The following MAGI1 variants were observed in gnomAD, a reference collection of about 807,000 sequenced individuals.
MAGI1 encodes the protein membrane associated guanylate kinase, WW and PDZ domain containing 1, also known as membrane-associated guanylate kinase, WW and PDZ domain-containing protein 1.
In MAGI1, 58 loss-of-function variants were observed where a neutral mutation model predicts 139.9. That is an observed-to-expected ratio of 0.41 (90% CI 0.34 to 0.52). MAGI1 has a LOEUF of 0.52. Ranked by LOEUF, MAGI1 falls within the 20% of genes least tolerant of loss-of-function variation. MAGI1 has a pLI of 0.12. For synonymous variants in MAGI1, 812 were observed against 737.9 expected (o/e 1.10, Z -1.63); for missense variants, 1,874 against 1,901.6 (o/e 0.99, Z 0.27).
rs114712916 is a variant in MAGI1 at position 65,961,133 on chromosome 3, G to A, written c.313+76863C>T. 7.2e-3 allele frequency among the ~76,000 whole-genome samples: 1,097 copies of A among 152,348 alleles called. 18 individuals carry two copies. The highest frequency in any genetic ancestry group is 0.025 in the African/African-American group (1,030 of 41,564). On this transcript the variant is annotated intron_variant, in intron 1 of 22. Coordinates refer to ENST00000402939, the MANE Select transcript of MAGI1 (RefSeq NM_001033057.2). ...CATCTAGGGATAAGAGGGGAAGGCA[G>A]AAGGGGGCATTCCTGTGTCCATTTG...
chr3:65,727,302 C>T (rs1373843891), intron 1 of MAGI1, among the ~76,000 whole-genome samples: 1 of 152,162 alleles, frequency 6.6e-6, no homozygotes, highest in Non-Finnish European at 1.5e-5. Context: ...AAAACCACTG[C>T]TTTACACATT....
At chr3:65,451,314 C>A (rs1949018788) in intron 6 of MAGI1, among the ~76,000 whole-genome samples, 1 of 152,016 alleles carries the variant, frequency 6.6e-6, no homozygotes, top group African/African-American at 2.4e-5. Context: ...ACATTGAAGA[C>A]CCTATGGTAA....
chr3:65,533,724 G>A (rs2078822511), intron 2 of MAGI1, among the ~76,000 whole-genome samples: 1 of 152,012 alleles, frequency 6.6e-6, no homozygotes, highest in East Asian at 1.9e-4. Flanking sequence ...CCCCAATGAG[G>A]CAGCTTCTAA....
At chr3:65,397,932 C>A (rs1944522692) in intron 13 of MAGI1, among the ~76,000 whole-genome samples, 1 of 152,114 alleles carries the variant, frequency 6.6e-6, no homozygotes, top group Non-Finnish European at 1.5e-5. Flanking sequence ...CCAATATTGG[C>A]ACTGGGTCTG....
chr3:65,511,302 C>A (rs1184054033), intron 2 of MAGI1, among the ~76,000 whole-genome samples: 1 of 149,066 alleles, frequency 6.7e-6, no homozygotes, highest in South Asian at 2.1e-4. Flanking sequence ...TCACACATAA[C>A]AATATTAACT....
intron 1 of MAGI1, among the ~76,000 whole-genome samples, chr3:65,756,129 C>T (rs115634011): frequency 6.6e-6 from 1 of 152,278 alleles, no homozygotes; most frequent in African/African-American, 2.4e-5. Context: ...TCTTTTCCAA[C>T]TTAGTTCGCT....
At chr3:65,929,723 C>A (rs1293343803) in intron 1 of MAGI1, among the ~76,000 whole-genome samples, 1 of 151,870 alleles carries the variant, frequency 6.6e-6, no homozygotes, top group East Asian at 1.9e-4. Flanking sequence ...CCTTTCGGGG[C>A]ACAAAAGCCA....
At chr3:65,516,506 TA>T (rs755624379) in intron 2 of MAGI1, among the ~76,000 whole-genome samples, 2 of 151,934 alleles carry the variant, frequency 1.3e-5, no homozygotes, top group Non-Finnish European at 2.9e-5. Flanking sequence ...AGTATAATAA[TA>T]ATAAATAGTA....
intron 2 of MAGI1, among the ~76,000 whole-genome samples, chr3:65,510,232 T>A (rs1044875190): frequency 1.3e-4 from 20 of 152,116 alleles, no homozygotes; most frequent in African/African-American, 4.8e-4. Flanking sequence ...CTGGAAACTG[T>A]AAAACGCAGA....
intron 7 of MAGI1, among the ~76,000 whole-genome samples, chr3:65,445,921 A>G (rs770741537): frequency 1.3e-5 from 2 of 152,228 alleles, no homozygotes; most frequent in Non-Finnish European, 2.9e-5. Flanking sequence ...GTTTGAAATT[A>G]GGACCCTCTT....
At chr3:65,752,249 T>G (rs1027403296) in intron 1 of MAGI1, among the ~76,000 whole-genome samples, 16 of 152,176 alleles carry the variant, frequency 1.1e-4, no homozygotes, top group African/African-American at 3.9e-4. Flanking sequence ...GCAAAGATAC[T>G]TAGAAGTAGC....
At chr3:65,640,239 G>T (rs1270906011) in intron 1 of MAGI1, among the ~76,000 whole-genome samples, 1 of 151,934 alleles carries the variant, frequency 6.6e-6, no homozygotes, top group Non-Finnish European at 1.5e-5. Context: ...CATCCTACTG[G>T]TTCTGTTTCT....
chr3:65,799,467 C>T (rs764920617), intron 1 of MAGI1, among the ~76,000 whole-genome samples: 13 of 152,200 alleles, frequency 8.5e-5, no homozygotes, highest in Non-Finnish European at 1.5e-4. Flanking sequence ...ACAAAAATTA[C>T]TGGAGAGTCT....
intron 5 of MAGI1, among the ~76,000 whole-genome samples, chr3:65,465,229 T>C (rs1575855367): frequency 6.6e-6 from 1 of 151,318 alleles, no homozygotes; most frequent in East Asian, 1.9e-4. Flanking sequence ...GCCAATTATA[T>C]CTCAATAAAA....
chr3:65,360,992 A>C, intron 22 of MAGI1: 2 of 1,452,664 alleles, frequency 1.4e-6, no homozygotes, highest in Non-Finnish European at 1.8e-6. Context: ...ATCTTGTCTT[A>C]GGCCATGCCC....
At chr3:65,454,435 G>A (rs2107503362) in intron 5 of MAGI1, among the ~76,000 whole-genome samples, 1 of 151,468 alleles carries the variant, frequency 6.6e-6, no homozygotes, top group East Asian at 1.9e-4. Flanking sequence ...AATGCTAGAT[G>A]ACAAGTTAGT....
intron 1 of MAGI1, among the ~76,000 whole-genome samples, chr3:65,724,867 A>C (rs1007926711): frequency 6.6e-6 from 1 of 152,134 alleles, no homozygotes; most frequent in Non-Finnish European, 1.5e-5. Context: ...CATGAGAACC[A>C]CATGGCCAAA....
At chr3:65,494,258 A>G (rs1263408001) in intron 2 of MAGI1, among the ~76,000 whole-genome samples, 1 of 152,172 alleles carries the variant, frequency 6.6e-6, no homozygotes, top group Non-Finnish European at 1.5e-5. Context: ...GGGAGAAAGG[A>G]CGCTGCATTT....
intron 1 of MAGI1, among the ~76,000 whole-genome samples, chr3:65,883,861 CG>C (rs1232240894): frequency 6.6e-6 from 1 of 152,064 alleles, no homozygotes; most frequent in South Asian, 2.1e-4. Flanking sequence ...GTCACTCCCC[CG>C]AATAAACTAC....
Sources: allele counts gnomAD v4.1 joint callset (sites outside exome capture counted in the v4.1 genomes callset), GRCh38; gene constraint gnomAD v4.1.1; transcripts MANE v1.5; gene names NCBI Gene and HGNC (gene_info 2026-07-23, HGNC 2026-07-21).